Variants in WNT7B observed in about 807,000 individuals in gnomAD.
The protein encoded by WNT7B is Wnt family member 7B.
WNT7B carries 19 observed loss-of-function variants against 38.2 expected under a neutral mutation model. That is an observed-to-expected ratio of 0.50 (90% CI 0.35 to 0.73). The LOEUF is 0.73. WNT7B is among the 30% of genes least tolerant of loss of function. WNT7B has a pLI of 0.01. For synonymous variants in WNT7B, 243 were observed against 209.3 expected, an observed-to-expected ratio of 1.16 and a Z score of -1.39; for missense variants, 423 against 507.9, an observed-to-expected ratio of 0.83 and a Z score of 1.61.
chr22:45,928,210 T>TG (rs1311518120), intron 3 of WNT7B, among the ~76,000 whole-genome samples: 2 of 151,862 alleles, frequency 1.3e-5, no homozygotes, highest in East Asian at 1.9e-4. Flanking sequence ...CTGAGGAAGC[T>TG]GGGGGGCAGG....
At chr22:45,974,336 A>G (rs538755142) in intron 1 of WNT7B, among the ~76,000 whole-genome samples, 1 of 152,304 alleles carries the variant, frequency 6.6e-6, no homozygotes, top group South Asian at 2.1e-4. Context: ...CCTTAATGCA[A>G]TGGGCTTCCA....
intron 2 of WNT7B, 141 bp from the exon 3 acceptor site, chr22:45,931,510 C>G (rs1931359125): frequency 9.5e-7 from 1 of 1,051,028 alleles, no homozygotes; most frequent in Non-Finnish European, 1.3e-6. Flanking sequence ...CTCTGTGCCT[C>G]TGACTCACCA....
chr22:45,928,583 C>A (rs1340503306), intron 3 of WNT7B, among the ~76,000 whole-genome samples: 1 of 151,760 alleles, frequency 6.6e-6, no homozygotes. Context: ...CTCTTTGTCT[C>A]CTGCCCACCC....
intron 1 of WNT7B, among the ~76,000 whole-genome samples, chr22:45,973,003 C>G (rs970911649): frequency 1.3e-5 from 2 of 152,364 alleles, no homozygotes; most frequent in Admixed American, 1.3e-4. Context: ...CGCACACAGG[C>G]ACTGCCATGG....
intron 2 of WNT7B, among the ~76,000 whole-genome samples, chr22:45,933,876 G>A (rs546626103): frequency 9.2e-5 from 14 of 152,214 alleles, no homozygotes; most frequent in Non-Finnish European, 1.8e-4. Context: ...GGGGGAGAAT[G>A]TCTCGCAAGC....
At chr22:45,969,020 G>A (rs962177936) in intron 1 of WNT7B, among the ~76,000 whole-genome samples, 14 of 152,196 alleles carry the variant, frequency 9.2e-5, no homozygotes, top group African/African-American at 2.9e-4. Context: ...ACCTGAACAC[G>A]CCTGAGCCAC....
intron 2 of WNT7B, among the ~76,000 whole-genome samples, chr22:45,944,432 C>T (rs1453600453): frequency 1.3e-5 from 2 of 152,218 alleles, no homozygotes; most frequent in Non-Finnish European, 2.9e-5. Flanking sequence ...CCGGCCTCGT[C>T]CCACCCTGAG....
At chr22:45,952,678 G>A (rs531408457) in intron 1 of WNT7B, among the ~76,000 whole-genome samples, 2 of 152,336 alleles carry the variant, frequency 1.3e-5, no homozygotes, top group South Asian at 2.1e-4. Flanking sequence ...TCTGCGGTAG[G>A]TGCCCTTGCT....
In WNT7B at chr22:45,931,336, G is replaced by C. The variant is rs1386726738; in HGVS notation, c.332C>G (p.Thr111Ser). ...GACGGCGTGCGCCACGCCAGCCGCGGTGATGGCGTACGTGAAGGCAGCCTC... is the reference window on the plus strand; with the variant it reads ...GACGGCGTGCGCCACGCCAGCCGCGCTGATGGCGTACGTGAAGGCAGCCTC... ...SREAAFTYAI[T>S]AAGVAHAVTA... The change falls in exon 3 of 4, where the codon ACC becomes AGC. Residue 111 changes from threonine to serine, a missense_variant. Coordinates refer to ENST00000339464, the MANE Select transcript of WNT7B (RefSeq NM_058238.3). The C allele has an allele frequency of 3.8e-6, 6 of 1,595,448 alleles. No individual in the cohort carries two copies. The highest frequency in any genetic ancestry group is 4.2e-6 in the Non-Finnish European group (5 of 1,177,908).
At chr22:45,955,397 C>T (rs778173409) in intron 1 of WNT7B, among the ~76,000 whole-genome samples, 8 of 152,200 alleles carry the variant, frequency 5.3e-5, no homozygotes, top group African/African-American at 1.4e-4. Flanking sequence ...GCCAGAGAGC[C>T]GTGCGGGTAG....
chr22:45,929,600 C>G (rs528664444), intron 3 of WNT7B, among the ~76,000 whole-genome samples: 15 of 142,428 alleles, frequency 1.1e-4, no homozygotes, highest in African/African-American at 3.9e-4. Flanking sequence ...ATTCATGCAT[C>G]CATCCACCTG....
At chr22:45,931,573 G>A (rs1383092958) in intron 2 of WNT7B, among the ~76,000 whole-genome samples, 1 of 152,154 alleles carries the variant, frequency 6.6e-6, no homozygotes, top group Non-Finnish European at 1.5e-5. Context: ...GCAGCACCTG[G>A]TATACAGCAG....
rs1430562957 is a variant in WNT7B, at chr22:45,965,518, C to T, written c.71+11166G>A. Among the ~76,000 whole-genome samples, 1 of 152,126 alleles carries T rather than the reference C, an allele frequency of 6.6e-6. No individual in the cohort carries two copies. On this transcript the variant is annotated intron_variant, in intron 1 of 3. Transcript: ENST00000339464. This position sits in a 1 kb window ranked among gnomAD's most constrained non-coding sequence, Gnocchi z 6.5. ...CCTGGGGGAGCATCCAGACCCACCA[C>T]CCAGATGGGGAAACTGAGGCCCAGA...
chr22:45,942,891 G>A (rs372851706), intron 2 of WNT7B, among the ~76,000 whole-genome samples: 2,123 of 150,986 alleles, frequency 0.014, 60 homozygotes, highest in African/African-American at 0.049. Flanking sequence ...ATGTATGTGC[G>A]TGTGTGTGCG....
chr22:45,928,139 G>T (rs1043715266), intron 3 of WNT7B, among the ~76,000 whole-genome samples: 1 of 152,166 alleles, frequency 6.6e-6, no homozygotes, highest in Admixed American at 6.5e-5. Context: ...GGCCCCACCC[G>T]CGGCACTTGT....
At chr22:45,954,025 G>A (rs996902934) in intron 1 of WNT7B, among the ~76,000 whole-genome samples, 1 of 152,222 alleles carries the variant, frequency 6.6e-6, no homozygotes, top group African/African-American at 2.4e-5. Flanking sequence ...GTCAACAGCT[G>A]AGTGGATAAA....
rs1339804025 is a variant in WNT7B, at chr22:45,965,202, C to A, written c.71+11482G>T. ...GTCCCTTTCCCAGGAACCCACCTTCCTTCCCTCCAGCAGGTCCTTCAGGGC... is the reference window on the plus strand; with the variant it reads ...GTCCCTTTCCCAGGAACCCACCTTCATTCCCTCCAGCAGGTCCTTCAGGGC... On this transcript the variant is annotated intron_variant, in intron 1 of 3. Coordinates refer to ENST00000339464, the MANE Select transcript of WNT7B (RefSeq NM_058238.3). This position sits in a 1 kb window ranked among gnomAD's most constrained non-coding sequence, Gnocchi z 6.5. 6.6e-6 allele frequency among the ~76,000 whole-genome samples: 1 copy of A among 152,234 alleles called. No homozygotes were observed. Among genetic ancestry groups the A allele is most frequent in the Non-Finnish European group, 1.5e-5 (1 of 68,038 alleles).
At chr22:45,948,442 C>G (rs542071299) in intron 2 of WNT7B, among the ~76,000 whole-genome samples, 19 of 152,348 alleles carry the variant, frequency 1.2e-4, no homozygotes, top group Non-Finnish European at 2.1e-4. Flanking sequence ...CCTGCGCCAC[C>G]CCCAGCCCCA....
At chr22:45,930,953 C>T in intron 3 of WNT7B, 145 bp downstream of exon 3, 4 of 1,146,882 alleles carry the variant, frequency 3.5e-6, no homozygotes, top group East Asian at 2.6e-5. Flanking sequence ...GAGCCATGCA[C>T]GTGGAGGACC....
Sources: allele counts gnomAD v4.1 joint callset (sites outside exome capture counted in the v4.1 genomes callset), GRCh38; gene constraint gnomAD v4.1.1; non-coding constraint Gnocchi (gnomAD v3.1); transcripts MANE v1.5; gene names NCBI Gene and HGNC (gene_info 2026-07-23, HGNC 2026-07-21).